KCNJ6: variants seen among roughly 807,000 people sequenced by gnomAD.
The protein encoded by KCNJ6 is G protein-activated inward rectifier potassium channel 2.
A neutral mutation model predicts 34.2 loss-of-function variants in KCNJ6; 9 were observed. That is an observed-to-expected ratio of 0.26 (90% CI 0.16 to 0.46). The LOEUF (loss-of-function observed/expected upper bound fraction) is 0.46. Ranked by LOEUF, KCNJ6 falls within the 20% of genes least tolerant of loss-of-function variation. The probability of loss-of-function intolerance (pLI) is 1.00; values close to 1 mark genes in which losing one functional copy is unlikely to be tolerated. For synonymous variants in KCNJ6, 196 were observed against 207.1 expected (o/e 0.95, Z 0.46); for missense variants, 236 against 531.3 (o/e 0.44, Z 5.46).
chr21:37,761,151 GTGTGTGTGCTGTATGTGTGT>G (rs1227562740), intron 2 of KCNJ6, among the ~76,000 whole-genome samples: 6 of 151,286 alleles, frequency 4.0e-5, no homozygotes, highest in Non-Finnish European at 7.4e-5. Context: ...GGTATGTGTG[GTGTGTGTGCTGTATGTGTGT>G]TGTGTGTGCA....
At chr21:37,705,484 C>G (rs1189356139) in intron 3 of KCNJ6, among the ~76,000 whole-genome samples, 1 of 152,172 alleles carries the variant, frequency 6.6e-6, no homozygotes, top group Admixed American at 6.5e-5. Flanking sequence ...AAATAAATGA[C>G]AGCTATGAGA....
intron 2 of KCNJ6, among the ~76,000 whole-genome samples, chr21:37,781,011 C>T (rs972082533): frequency 5.3e-5 from 8 of 152,188 alleles, no homozygotes; most frequent in East Asian, 1.9e-4. Flanking sequence ...CCAAATATCA[C>T]GTTAGGGGAA....
At chr21:37,912,957 G>T (rs1234046717) in intron 1 of KCNJ6, among the ~76,000 whole-genome samples, 1 of 152,222 alleles carries the variant, frequency 6.6e-6, no homozygotes, top group South Asian at 2.1e-4. Flanking sequence ...CCACAAAACA[G>T]GAAAGCAGCC....
chr21:37,692,705 T>G (rs1039614352), intron 3 of KCNJ6, among the ~76,000 whole-genome samples: 2 of 152,186 alleles, frequency 1.3e-5, no homozygotes, highest in African/African-American at 4.8e-5. Flanking sequence ...CAAATTCACT[T>G]TCAAAGAGAC....
chr21:37,721,462 A>G (rs1427848092), intron 2 of KCNJ6, among the ~76,000 whole-genome samples: 1 of 152,234 alleles, frequency 6.6e-6, no homozygotes, highest in East Asian at 1.9e-4. Flanking sequence ...TCAAACAGAT[A>G]CTTGCACACC....
At chr21:37,773,120 C>G (rs1329729149) in intron 2 of KCNJ6, among the ~76,000 whole-genome samples, 1 of 152,130 alleles carries the variant, frequency 6.6e-6, no homozygotes, top group African/African-American at 2.4e-5. Context: ...ACAGTAGGTG[C>G]TAAATAACTG....
In KCNJ6 at chr21:37,714,899, G is replaced by A; in HGVS notation, c.258C>T (p.Asp86=). 1 of 1,614,174 alleles carries A rather than the reference G, an allele frequency of 6.2e-7. No homozygotes were observed. Among genetic ancestry groups the A allele is most frequent in the Non-Finnish European group, 8.5e-7 (1 of 1,179,990 alleles). The change falls in exon 3 of 4, where the codon GAC becomes GAT. Residue 86 remains aspartate, a synonymous_variant. Coordinates refer to ENST00000609713, the MANE Select transcript of KCNJ6 (RefSeq NM_002240.5). This position sits in a 1 kb window ranked among gnomAD's most constrained non-coding sequence, Gnocchi z 5.9. ...TCAATAGGTTGAATCTCCACTTCAG[G>A]TCCACTAATGTGGTGAAGATATCGG... ...YLTDIFTTLV[D]LKWRFNLLIF... is the part of the protein sequence containing the mutation.
At position 37,607,482 on chromosome 21, in the gene KCNJ6, A is replaced by ATATATATATATTTTTTTT; in HGVS notation, c.*17676_*17677insAAAAAAAATATATATATA. 7.3e-5 allele frequency: 10 copies of ATATATATATATTTTTTTT among 136,758 alleles called. No homozygotes were observed. The highest frequency in any genetic ancestry group is 7.2e-4 in the South Asian group (3 of 4,158). 8.5% of individuals were successfully genotyped at this position (136,758 alleles called of 1,614,324 possible). A position where few individuals can be genotyped will look rare whatever the true frequency, so the allele number is the denominator to read the frequency against. On this transcript the variant is annotated 3_prime_UTR_variant, in exon 4 of 4. Transcript: ENST00000609713. Reference sequence around the variant, plus strand: ...CTTAAAGATATATATATATATATATATTTTTTTTTTATTTTAAAAAAATTT... The same window carrying ATATATATATATTTTTTTT: ...CTTAAAGATATATATATATATATATATATATATATATTTTTTTTTTTTTTTTTTATTTTAAAAAAATTT...
At chr21:37,732,188 G>GT (rs34385902) in intron 2 of KCNJ6, among the ~76,000 whole-genome samples, 55,652 of 151,794 alleles carry the variant, frequency 0.37, 11,089 homozygotes, top group Admixed American at 0.46. Flanking sequence ...CAGAATGAAG[G>GT]TCAAAGCGTT....
Position 37,802,497 on chromosome 21 carries a change from G to A in KCNJ6, c.25+38161C>T, listed in dbSNP as rs140033445. Among the ~76,000 whole-genome samples the A allele has an allele frequency of 2.7e-3, 409 of 152,244 alleles. 5 individuals are homozygous for A. The highest frequency in any genetic ancestry group is 9.3e-3 in the African/African-American group (387 of 41,552). On this transcript the variant is annotated intron_variant, in intron 2 of 3. Coordinates refer to ENST00000609713, the MANE Select transcript of KCNJ6 (RefSeq NM_002240.5). ...AAAAGGGTGATGTGATGATGGAAGTGGAGAGAGAGAGATTGGAAGAGGCTA... is the reference window on the plus strand; with the variant it reads ...AAAAGGGTGATGTGATGATGGAAGTAGAGAGAGAGAGATTGGAAGAGGCTA...
chr21:37,787,778 GT>G (rs1212692006), intron 2 of KCNJ6, among the ~76,000 whole-genome samples: 1 of 152,202 alleles, frequency 6.6e-6, no homozygotes, highest in Non-Finnish European at 1.5e-5. Context: ...CTGAAATGGA[GT>G]TAGAAAGAAC....
At chr21:37,713,485 G>A (rs188375171) in intron 3 of KCNJ6, among the ~76,000 whole-genome samples, 36 of 152,276 alleles carry the variant, frequency 2.4e-4, no homozygotes, top group Non-Finnish European at 4.4e-4. Context: ...GATGTGTAAC[G>A]TGCAAATTTC....
intron 2 of KCNJ6, among the ~76,000 whole-genome samples, chr21:37,744,111 A>G (rs1220744259): frequency 3.5e-5 from 5 of 141,446 alleles, no homozygotes; most frequent in South Asian, 2.3e-4. Flanking sequence ...GAATTGAACA[A>G]TGAGAACACA....
chr21:37,671,171 C>A (rs760816422), intron 3 of KCNJ6, among the ~76,000 whole-genome samples: 2 of 152,158 alleles, frequency 1.3e-5, no homozygotes, highest in African/African-American at 2.4e-5. Flanking sequence ...ACCTGAAAGA[C>A]CATGGCATGA....
chr21:37,751,451 T>C (rs2835933), intron 2 of KCNJ6, among the ~76,000 whole-genome samples: 23,759 of 152,200 alleles, frequency 0.16, 2,363 homozygotes, highest in South Asian at 0.27. Context: ...TTGTTATCAG[T>C]ATTATGTGCC....
intron 1 of KCNJ6, among the ~76,000 whole-genome samples, chr21:37,855,228 T>C (rs186018446): frequency 3.9e-5 from 6 of 152,362 alleles, no homozygotes; most frequent in Admixed American, 2.6e-4. Flanking sequence ...CCATGTTTGC[T>C]TCCTACCAGT....
intron 1 of KCNJ6, among the ~76,000 whole-genome samples, chr21:37,877,937 A>G (rs947958896): frequency 6.6e-6 from 1 of 152,286 alleles, no homozygotes; most frequent in East Asian, 1.9e-4. Flanking sequence ...GTTGGAGAAG[A>G]GAAAATTCAA....
At chr21:37,777,443 T>C (rs1206316603) in intron 2 of KCNJ6, among the ~76,000 whole-genome samples, 1 of 152,156 alleles carries the variant, frequency 6.6e-6, no homozygotes, top group Non-Finnish European at 1.5e-5. Flanking sequence ...GCTTTTTGAC[T>C]CTGAGGACTT....
chr21:37,903,679 A>G (rs1307849769), intron 1 of KCNJ6, among the ~76,000 whole-genome samples: 1 of 152,094 alleles, frequency 6.6e-6, no homozygotes, highest in Admixed American at 6.5e-5. Context: ...TCCATGTATA[A>G]GTCTTGCCTT....
Sources: gnomAD v4.1 joint callset for allele counts (sites outside exome capture counted in the v4.1 genomes callset) on GRCh38, gnomAD v4.1.1 for gene constraint, Gnocchi (gnomAD v3.1) non-coding constraint, MANE v1.5 for transcripts, NCBI Gene and HGNC (gene_info 2026-07-23, HGNC 2026-07-21) for gene names.